PPP2R5E: variants seen among roughly 807,000 people sequenced by gnomAD.
The protein encoded by PPP2R5E is serine/threonine-protein phosphatase 2A 56 kDa regulatory subunit epsilon isoform.
PPP2R5E carries 4 observed loss-of-function variants against 65.3 expected under a neutral mutation model. The observed-to-expected ratio is 0.06, with a 90% CI of 0.03 to 0.14. The LOEUF is 0.14. Ranked by LOEUF, PPP2R5E falls within the 10% of genes least tolerant of loss-of-function variation. The pLI, the probability that PPP2R5E is intolerant of heterozygous loss-of-function variation, is 1.00. For missense variants in PPP2R5E, 274 were observed against 556.1 expected, an observed-to-expected ratio of 0.49 and a Z score of 5.10; for synonymous variants, 183 against 187.4, an observed-to-expected ratio of 0.98 and a Z score of 0.19.
chr14:63,469,191 T>C (rs1195229975), intron 2 of PPP2R5E, among the ~76,000 whole-genome samples: 2 of 152,186 alleles, frequency 1.3e-5, no homozygotes, highest in African/African-American at 4.8e-5. Context: ...TTAGCCTTCA[T>C]GAAGCTTACA....
At chr14:63,462,607 G>A (rs758778580) in intron 2 of PPP2R5E, among the ~76,000 whole-genome samples, 62 of 152,160 alleles carry the variant, frequency 4.1e-4, no homozygotes, top group Non-Finnish European at 7.1e-4. Context: ...TAGTAGGTAC[G>A]TAATGTTAGT....
intron 2 of PPP2R5E, among the ~76,000 whole-genome samples, chr14:63,456,303 A>T (rs1329940982): frequency 1.3e-5 from 2 of 152,242 alleles, no homozygotes; most frequent in East Asian, 3.8e-4. Flanking sequence ...TGGTCACTGC[A>T]ATAGTACTCA....
At chr14:63,503,044 TG>T (rs1163248906) in intron 2 of PPP2R5E, among the ~76,000 whole-genome samples, 1 of 152,180 alleles carries the variant, frequency 6.6e-6, no homozygotes, top group Admixed American at 6.5e-5. Context: ...ATGGGAACCT[TG>T]AAAGATAACC....
Position 63,375,671 on chromosome 14 carries a change from C to A in PPP2R5E, c.*338G>T, listed in dbSNP as rs1249959110. On this transcript the variant is annotated 3_prime_UTR_variant, in exon 14 of 14. Coordinates refer to ENST00000337537, the MANE Select transcript of PPP2R5E (RefSeq NM_006246.5). ...TCACATTTGAAAATTGTATCATACTCTCTGCTAGTGATAAATAAGGAACTC... is the reference window on the plus strand; with the variant it reads ...TCACATTTGAAAATTGTATCATACTATCTGCTAGTGATAAATAAGGAACTC... The A allele has an allele frequency of 5.8e-6, 1 of 171,010 alleles. No individual in the cohort carries two copies. Among genetic ancestry groups the A allele is most frequent in the Non-Finnish European group, 1.2e-5 (1 of 80,848 alleles). 10.6% of individuals were successfully genotyped at this position (171,010 alleles called of 1,614,324 possible).
chr14:63,521,755 T>C (rs118015061), intron 2 of PPP2R5E, among the ~76,000 whole-genome samples: 2,393 of 152,286 alleles, frequency 0.016, 21 homozygotes, highest in Non-Finnish European at 0.026. Context: ...GAACAGGGAA[T>C]ACTGAAACTT....
At chr14:63,407,567 A>T (rs1555357493) in intron 5 of PPP2R5E, among the ~76,000 whole-genome samples, 1 of 152,136 alleles carries the variant, frequency 6.6e-6, no homozygotes, top group Non-Finnish European at 1.5e-5. Flanking sequence ...TTATATAAAA[A>T]ATAGAGATAT....
chr14:63,464,200 A>G lies in PPP2R5E; in HGVS notation c.158-10315T>C, dbSNP rs572930492. On this transcript the variant is annotated intron_variant, in intron 2 of 13. Coordinates refer to ENST00000337537, the MANE Select transcript of PPP2R5E (RefSeq NM_006246.5). The stretch of plus-strand genomic sequence containing the variant: ...GTGATAACATAATGAAGAGGAGACA[A>G]AAGTCCTGAGCTTTACATTCTAGCA... Among the ~76,000 whole-genome samples the G allele has an allele frequency of 3.9e-5, 6 of 152,342 alleles. 1 individual carries two copies. The highest frequency in any genetic ancestry group is 1.4e-4 in the African/African-American group (6 of 41,582).
intron 12 of PPP2R5E, 101 bp downstream of exon 12, chr14:63,384,343 C>A: frequency 1.5e-6 from 2 of 1,353,110 alleles, no homozygotes; most frequent in East Asian, 2.3e-5. Context: ...TTTTCACATA[C>A]GTCTTCAGCA....
chr14:63,440,853 G>A (rs1888196936), intron 3 of PPP2R5E, among the ~76,000 whole-genome samples: 2 of 150,810 alleles, frequency 1.3e-5, no homozygotes, highest in Admixed American at 1.3e-4. Flanking sequence ...GGAGGCTGAG[G>A]CAGGAGAATG....
intron 3 of PPP2R5E, among the ~76,000 whole-genome samples, chr14:63,448,857 T>C (rs1888658438): frequency 2.0e-5 from 3 of 152,064 alleles, no homozygotes; most frequent in Non-Finnish European, 4.4e-5. Context: ...TGCATGTGAT[T>C]TGTTTATACC....
At chr14:63,379,840 T>C (rs1884222174) in intron 13 of PPP2R5E, among the ~76,000 whole-genome samples, 2 of 133,598 alleles carry the variant, frequency 1.5e-5, no homozygotes, top group African/African-American at 5.5e-5. Flanking sequence ...TTTTTTTTTT[T>C]TTTTTTTTTT....
chr14:63,479,878 A>G (rs1229145195), intron 2 of PPP2R5E, among the ~76,000 whole-genome samples: 1 of 152,236 alleles, frequency 6.6e-6, no homozygotes, highest in East Asian at 1.9e-4. Flanking sequence ...TCAACCTAAA[A>G]GAATGCCTTA....
At chr14:63,431,631 C>A (rs1054639255) in intron 3 of PPP2R5E, among the ~76,000 whole-genome samples, 12 of 151,970 alleles carry the variant, frequency 7.9e-5, no homozygotes, top group African/African-American at 2.9e-4. Flanking sequence ...CATAAAACTG[C>A]ATTTGCGGAC....
At chr14:63,507,926 T>C (rs1247462933) in intron 2 of PPP2R5E, among the ~76,000 whole-genome samples, 1 of 152,198 alleles carries the variant, frequency 6.6e-6, no homozygotes. Context: ...TTAGATAAGT[T>C]TGAGAAGCCT....
chr14:63,465,031 GAAA>G (rs34190976), intron 2 of PPP2R5E, among the ~76,000 whole-genome samples: 10 of 120,600 alleles, frequency 8.3e-5, no homozygotes, highest in African/African-American at 1.6e-4. Flanking sequence ...TCAAGAAGAA[GAAA>G]AAAAAAAAAA....
At chr14:63,422,156 C>A in intron 3 of PPP2R5E, 62 bp from the exon 4 acceptor site, 3 of 1,369,168 alleles carry the variant, frequency 2.2e-6, no homozygotes, top group South Asian at 1.2e-5. Flanking sequence ...TACACAAGGT[C>A]CTTGGAGCCA....
intron 1 of PPP2R5E, among the ~76,000 whole-genome samples, chr14:63,540,781 T>G (rs1011731519): frequency 6.6e-6 from 1 of 150,730 alleles, no homozygotes; most frequent in Non-Finnish European, 1.5e-5. Context: ...CAGGAAAACA[T>G]GAAAATTTAG....
intron 2 of PPP2R5E, among the ~76,000 whole-genome samples, chr14:63,501,275 A>C (rs375464487): frequency 7.0e-4 from 106 of 151,754 alleles, no homozygotes; most frequent in Non-Finnish European, 7.2e-4. Context: ...CGTGGTGGCG[A>C]GCGCCTGTAG....
intron 2 of PPP2R5E, among the ~76,000 whole-genome samples, chr14:63,508,966 A>T (rs1043305776): frequency 6.6e-6 from 1 of 152,232 alleles, no homozygotes; most frequent in Non-Finnish European, 1.5e-5. Context: ...TATGATTCTA[A>T]TCAAGTACAA....
Sources: gnomAD v4.1 joint callset for allele counts (sites outside exome capture counted in the v4.1 genomes callset) on GRCh38, gnomAD v4.1.1 for gene constraint, MANE v1.5 for transcripts, NCBI Gene and HGNC (gene_info 2026-07-23, HGNC 2026-07-21) for gene names.